The following TCF12 variants were observed in gnomAD, a reference collection of about 807,000 sequenced individuals.
TCF12 encodes DNA-binding protein HTF4.
TCF12 carries 45 observed loss-of-function variants against 86.0 expected under a neutral mutation model. The observed-to-expected ratio is 0.52, with a 90% CI of 0.41 to 0.67. The LOEUF (loss-of-function observed/expected upper bound fraction) is 0.67, where lower values mean the gene tolerates loss of function less well. TCF12 is among the 30% of genes least tolerant of loss of function. The pLI is 0.00. For synonymous variants in TCF12, 330 were observed against 299.6 expected, an observed-to-expected ratio of 1.10 and a Z score of -1.05; for missense variants, 881 against 859.9, an observed-to-expected ratio of 1.02 and a Z score of -0.31.
chr15:57,008,601 T>A (rs2141135775), intron 3 of TCF12, among the ~76,000 whole-genome samples: 1 of 152,314 alleles, frequency 6.6e-6, no homozygotes, highest in Middle Eastern at 3.4e-3. Flanking sequence ...TCTTAAATCC[T>A]TTAGACATTA....
intron 3 of TCF12, among the ~76,000 whole-genome samples, chr15:57,021,709 A>G (rs1401962396): frequency 6.6e-6 from 1 of 151,796 alleles, no homozygotes; most frequent in Non-Finnish European, 1.5e-5. Flanking sequence ...GTTGAACAAC[A>G]TGGGTTTGAA....
upstream of TCF12, chr15:56,918,171 TG>T: frequency 2.2e-6 from 1 of 455,906 alleles, no homozygotes; most frequent in South Asian, 1.5e-5. Context: ...CGGGAGCCTC[TG>T]GGCCCAGCTT....
At chr15:57,061,985 C>G (rs2068492213) in intron 3 of TCF12, among the ~76,000 whole-genome samples, 1 of 151,420 alleles carries the variant, frequency 6.6e-6, no homozygotes, top group Non-Finnish European at 1.5e-5. Flanking sequence ...GAGATGGAGT[C>G]TTGCTCTGTC....
At chr15:57,272,861 A>T (rs982038701) in intron 18 of TCF12, among the ~76,000 whole-genome samples, 169 bp from the exon 19 acceptor site, 5 of 152,232 alleles carry the variant, frequency 3.3e-5, no homozygotes, top group African/African-American at 1.2e-4. Flanking sequence ...ATGTGCATTG[A>T]AGAAAAATTT....
chr15:56,986,289 A>G lies in TCF12; in HGVS notation c.148+65191A>G, dbSNP rs755057458. Among the ~76,000 whole-genome samples the G allele has an allele frequency of 2.5e-4, 38 of 152,294 alleles. 1 individual carries two copies. In the South Asian group the frequency reaches 3.9e-3, roughly 16 times the overall value. ...CTGGTTTTTGGTGTGTATGTTATCA[A>G]TGTTGACCAAAATTAACTGAATATG... is the stretch of plus-strand genomic sequence containing the variant. On this transcript the variant is annotated intron_variant, in intron 3 of 20. Coordinates refer to ENST00000333725, the MANE Select transcript of TCF12 (RefSeq NM_207037.2).
At chr15:57,280,849 A>G (rs1489017904) in intron 19 of TCF12, among the ~76,000 whole-genome samples, 2 of 152,228 alleles carry the variant, frequency 1.3e-5, no homozygotes, top group East Asian at 3.8e-4. Context: ...ACTAATTACA[A>G]ATGATCCCTT....
chr15:57,243,639 T>A, intron 13 of TCF12, 89 bp downstream of exon 13: 1 of 1,198,286 alleles, frequency 8.3e-7, no homozygotes, highest in East Asian at 2.4e-5. Context: ...TTAATAAAAA[T>A]TTGTGAAAAA....
chr15:57,110,724 A>C (rs534489073), intron 5 of TCF12, among the ~76,000 whole-genome samples: 1 of 151,092 alleles, frequency 6.6e-6, no homozygotes, highest in Non-Finnish European at 1.5e-5. Flanking sequence ...TAGAATGGAT[A>C]CATTGGGTGT....
chr15:57,275,120 C>T (rs2061319488), intron 19 of TCF12, among the ~76,000 whole-genome samples: 1 of 152,148 alleles, frequency 6.6e-6, no homozygotes, highest in African/African-American at 2.4e-5. Context: ...GTTATGGGTA[C>T]TGACTGTTTC....
chr15:57,065,471 A>C (rs746433103), intron 4 of TCF12, among the ~76,000 whole-genome samples: 1 of 152,186 alleles, frequency 6.6e-6, no homozygotes, highest in Non-Finnish European at 1.5e-5. Flanking sequence ...TAGGAGTTTT[A>C]TGTAGTGGGA....
chr15:57,052,493 C>T (rs189365839), intron 3 of TCF12, among the ~76,000 whole-genome samples: 224 of 151,914 alleles, frequency 1.5e-3, no homozygotes, highest in Middle Eastern at 0.01. Flanking sequence ...AAAAATTACC[C>T]GGGCCTGGTA....
Position 56,918,668 on chromosome 15 carries a change from C to G in TCF12, c.-261C>G, listed in dbSNP as rs771448791. ...CGAGCCGAGCGCGGTGGTGAGGCCG[C>G]CTCAGCGAAAAAAATGTCCGCCTGA... On this transcript the variant is annotated 5_prime_UTR_variant, in exon 1 of 21. Transcript: ENST00000333725. 33 of 187,284 alleles carry G rather than the reference C, an allele frequency of 1.8e-4. No individual in the cohort carries two copies. The highest frequency in any genetic ancestry group is 3.5e-4 in the Non-Finnish European group (31 of 88,382). 11.6% of individuals were successfully genotyped at this position (187,284 alleles called of 1,614,324 possible). A position where few individuals can be genotyped will look rare whatever the true frequency, so the allele number is the denominator to read the frequency against.
intron 8 of TCF12, among the ~76,000 whole-genome samples, chr15:57,220,159 C>T (rs1450078644): frequency 2.0e-5 from 3 of 152,032 alleles, no homozygotes; most frequent in Non-Finnish European, 4.4e-5. Context: ...TGTTATTAGC[C>T]TGATATCTTT....
At position 57,170,730 on chromosome 15, in the gene TCF12, TATATATA is replaced by T. The variant is rs1316728326; in HGVS notation, c.390+4272_390+4278del. ...AATATATAATATATATATTATATATTATATATAATATATATTATATATTATATATTAT... is the reference window on the plus strand; with the variant it reads ...AATATATAATATATATATTATATATTATATATATTATATATTATATATTAT... On this transcript the variant is annotated intron_variant, in intron 6 of 20. Coordinates refer to ENST00000333725, the MANE Select transcript of TCF12 (RefSeq NM_207037.2). 7.4e-3 allele frequency among the ~76,000 whole-genome samples: 234 copies of T among 31,634 alleles called. 6 individuals carry two copies. The highest frequency in any genetic ancestry group is 0.01 in the Admixed American group (23 of 2,228). 20.8% of individuals were successfully genotyped at this position (31,634 alleles called of 152,430 possible).
At chr15:57,217,304 C>G (rs2058373082) in intron 8 of TCF12, among the ~76,000 whole-genome samples, 1 of 152,000 alleles carries the variant, frequency 6.6e-6, no homozygotes, top group Non-Finnish European at 1.5e-5. Context: ...TTTGATTATA[C>G]TATTTGGCTT....
At chr15:57,101,081 G>A (rs1335380294) in intron 5 of TCF12, among the ~76,000 whole-genome samples, 2 of 151,824 alleles carry the variant, frequency 1.3e-5, no homozygotes, top group Non-Finnish European at 2.9e-5. Context: ...TTTTCTTCTT[G>A]GAAAATTCAG....
chr15:57,040,661 CAT>C (rs2066836836), intron 3 of TCF12, among the ~76,000 whole-genome samples: 1 of 152,164 alleles, frequency 6.6e-6, no homozygotes, highest in South Asian at 2.1e-4. Context: ...TTTGAAGAGA[CAT>C]GAGCTCTCAG....
intron 19 of TCF12, chr15:57,281,541 C>G (rs2061691148): frequency 6.6e-6 from 1 of 152,258 alleles, no homozygotes. Flanking sequence ...AGAGAGCAAT[C>G]CAGCAAAGCT....
At chr15:57,247,619 T>C (rs2059923815) in intron 13 of TCF12, 5 of 801,094 alleles carry the variant, frequency 6.2e-6, no homozygotes, top group Non-Finnish European at 1.1e-5. Context: ...TTCAAAGTAG[T>C]CTCTTAAATT....
Sources: gnomAD v4.1 joint callset for allele counts (sites outside exome capture counted in the v4.1 genomes callset) on GRCh38, gnomAD v4.1.1 for gene constraint, MANE v1.5 for transcripts, NCBI Gene and HGNC (gene_info 2026-07-23, HGNC 2026-07-21) for gene names.